LHFPL3: variants seen among roughly 807,000 people sequenced by gnomAD.
LHFPL3 encodes LHFPL tetraspan subfamily member 3 protein.
In LHFPL3, 5 loss-of-function variants were observed where a neutral mutation model predicts 19.3. The ratio of observed to expected loss-of-function variants is 0.26; its 90% CI spans 0.14 to 0.54. The LOEUF (loss-of-function observed/expected upper bound fraction) is 0.54, where lower values mean the gene tolerates loss of function less well. Ranked by LOEUF, LHFPL3 falls within the 20% of genes least tolerant of loss-of-function variation. LHFPL3 has a pLI of 0.94. For synonymous variants in LHFPL3, 133 were observed against 126.2 expected, an observed-to-expected ratio of 1.05 and a Z score of -0.36; for missense variants, 249 against 307.4, an observed-to-expected ratio of 0.81 and a Z score of 1.42.
chr7:104,344,411 A>G (rs1203057222), intron 1 of LHFPL3, among the ~76,000 whole-genome samples: 1 of 151,952 alleles, frequency 6.6e-6, no homozygotes, highest in Non-Finnish European at 1.5e-5. Context: ...CCCCAATCCC[A>G]CTTCCACCCT....
At chr7:104,579,429 T>C (rs1406301336) in intron 1 of LHFPL3, among the ~76,000 whole-genome samples, 1 of 152,234 alleles carries the variant, frequency 6.6e-6, no homozygotes, top group Non-Finnish European at 1.5e-5. Context: ...TTTCTGTTTC[T>C]GCATTAATTT....
intron 1 of LHFPL3, among the ~76,000 whole-genome samples, chr7:104,590,065 C>G (rs1436620514): frequency 1.3e-5 from 2 of 152,132 alleles, no homozygotes; most frequent in Admixed American, 6.6e-5. Flanking sequence ...AAAACCACCT[C>G]CTGGATTCAT....
intron 1 of LHFPL3, among the ~76,000 whole-genome samples, chr7:104,464,744 C>T (rs1792743710): frequency 6.6e-6 from 1 of 152,194 alleles, no homozygotes; most frequent in Non-Finnish European, 1.5e-5. Flanking sequence ...GCAGGGAGGC[C>T]CTGGGCCCAG....
chr7:104,727,838 G>T (rs533039607), intron 1 of LHFPL3, among the ~76,000 whole-genome samples: 1 of 152,208 alleles, frequency 6.6e-6, no homozygotes, highest in African/African-American at 2.4e-5. Flanking sequence ...CCTGACTAAG[G>T]TACCTTTCTG....
In LHFPL3 at chr7:104,766,420, T is replaced by C. The variant is rs1296026672; in HGVS notation, c.682+29509T>C. 2.0e-5 allele frequency among the ~76,000 whole-genome samples: 3 copies of C among 152,216 alleles called. No homozygotes were observed. In the East Asian group the frequency reaches 5.8e-4, roughly 29 times the overall value. ...TTTCACTTGGATTGTTTCTCATCTA[T>C]GCTGATTTTCTCCACCTTGTACATT... On this transcript the variant is annotated intron_variant, in intron 2 of 2. Transcript: ENST00000424859.
chr7:104,556,380 A>T (rs544297676), intron 1 of LHFPL3, among the ~76,000 whole-genome samples: 1 of 152,344 alleles, frequency 6.6e-6, no homozygotes, highest in South Asian at 2.1e-4. Flanking sequence ...CCAAACCTCA[A>T]TTCTTGACTT....
chr7:104,679,577 A>G (rs1562964198), intron 1 of LHFPL3, among the ~76,000 whole-genome samples: 1 of 152,264 alleles, frequency 6.6e-6, no homozygotes, highest in Non-Finnish European at 1.5e-5. Flanking sequence ...CACTGTAGCC[A>G]AATGAAAGAA....
chr7:104,797,970 G>A lies in LHFPL3; in HGVS notation c.682+61059G>A, dbSNP rs992220200. On this transcript the variant is annotated intron_variant, in intron 2 of 2. Transcript: ENST00000424859. ...ACAACAACAACAAACTATCAATAAC[G>A]TCACGGCAGCAGCTGATGTCAGCAT... Among the ~76,000 whole-genome samples, 23 of 151,932 alleles carry A rather than the reference G, an allele frequency of 1.5e-4. 1 individual carries two copies. The highest frequency in any genetic ancestry group is 1.2e-4 in the African/African-American group (5 of 41,450).
intron 1 of LHFPL3, among the ~76,000 whole-genome samples, chr7:104,594,541 C>A (rs914602746): frequency 6.6e-6 from 1 of 152,094 alleles, no homozygotes; most frequent in African/African-American, 2.4e-5. Context: ...GGAGGAGTAT[C>A]TTTGTGGCGT....
intron 1 of LHFPL3, among the ~76,000 whole-genome samples, chr7:104,590,636 G>T (rs994359294): frequency 3.3e-5 from 5 of 152,100 alleles, no homozygotes; most frequent in Non-Finnish European, 7.4e-5. Flanking sequence ...GGTCCGCTTG[G>T]TGCAGAGCTG....
chr7:104,668,952 C>A lies in LHFPL3; in HGVS notation c.446-67723C>A. 2.5e-6 allele frequency: 4 copies of A among 1,612,388 alleles called. No individual in the cohort carries two copies. The South Asian group carries it at 4.4e-5, about 18-fold the overall frequency. On this transcript the variant is annotated intron_variant, in intron 1 of 2. Transcript: ENST00000424859. ...TAGAACGACGGCCTCGGGAGAGACA[C>A]CCAAGCTGGCAAAGTGAAGAAACTC...
intron 1 of LHFPL3, among the ~76,000 whole-genome samples, chr7:104,598,551 A>G (rs1444700541): frequency 2.0e-5 from 3 of 152,200 alleles, no homozygotes; most frequent in Non-Finnish European, 4.4e-5. Flanking sequence ...GTTTTTGGAG[A>G]TGCTCAAGGG....
chr7:104,860,691 C>T (rs1358891408), intron 2 of LHFPL3, among the ~76,000 whole-genome samples: 2 of 152,156 alleles, frequency 1.3e-5, no homozygotes, highest in African/African-American at 2.4e-5. Context: ...AAAGTATTTA[C>T]GTGTATTTCA....
chr7:104,706,626 C>A (rs1177337999), intron 1 of LHFPL3, among the ~76,000 whole-genome samples: 4 of 152,196 alleles, frequency 2.6e-5, no homozygotes, highest in Non-Finnish European at 5.9e-5. Context: ...CCCTAAGTAT[C>A]AGAACTTACT....
intron 2 of LHFPL3, among the ~76,000 whole-genome samples, chr7:104,887,784 C>G (rs1174954609): frequency 6.6e-6 from 1 of 152,158 alleles, no homozygotes; most frequent in Non-Finnish European, 1.5e-5. Context: ...TTTATATGAA[C>G]AAAGCTTAAA....
chr7:104,594,834 A>G (rs1790807385), intron 1 of LHFPL3, among the ~76,000 whole-genome samples: 1 of 152,076 alleles, frequency 6.6e-6, no homozygotes, highest in Non-Finnish European at 1.5e-5. Context: ...CAAATCAGCT[A>G]TTGAAGCTTG....
At chr7:104,338,795 G>A (rs1031971039) in intron 1 of LHFPL3, among the ~76,000 whole-genome samples, 2 of 152,080 alleles carry the variant, frequency 1.3e-5, no homozygotes, top group Non-Finnish European at 2.9e-5. Flanking sequence ...CCTTTGTGCT[G>A]TAAAAAATGA....
intron 1 of LHFPL3, among the ~76,000 whole-genome samples, chr7:104,521,916 G>A (rs1794071473): frequency 6.6e-6 from 1 of 152,064 alleles, no homozygotes; most frequent in African/African-American, 2.4e-5. Flanking sequence ...TGGAGAAATA[G>A]GAACACTCTT....
intron 2 of LHFPL3, among the ~76,000 whole-genome samples, chr7:104,902,597 G>A (rs920519313): frequency 6.6e-6 from 1 of 151,778 alleles, no homozygotes; most frequent in African/African-American, 2.4e-5. Context: ...GACCAGCCTG[G>A]CCAACATGGT....
Sources: gnomAD v4.1 joint callset for allele counts (sites outside exome capture counted in the v4.1 genomes callset) on GRCh38, gnomAD v4.1.1 for gene constraint, MANE v1.5 for transcripts, NCBI Gene and HGNC (gene_info 2026-07-23, HGNC 2026-07-21) for gene names.